Variants in GSG1L observed in about 807,000 individuals in gnomAD.
The protein encoded by GSG1L is GSG1 like, also known as germ cell-specific gene 1-like protein.
A neutral mutation model predicts 42.1 loss-of-function variants in GSG1L; 24 were observed. The ratio of observed to expected loss-of-function variants is 0.57; its 90% CI spans 0.41 to 0.80. The LOEUF (loss-of-function observed/expected upper bound fraction) is 0.80, where lower values mean the gene tolerates loss of function less well. Ranked by LOEUF, GSG1L falls within the 30% of genes least tolerant of loss-of-function variation. GSG1L has a pLI of 0.00. For missense variants in GSG1L, 445 were observed against 472.2 expected, an observed-to-expected ratio of 0.94 and a Z score of 0.53; for synonymous variants, 215 against 203.5, an observed-to-expected ratio of 1.06 and a Z score of -0.48.
intron 1 of GSG1L, among the ~76,000 whole-genome samples, chr16:28,058,650 T>C (rs191593507): frequency 6.4e-4 from 93 of 146,362 alleles, no homozygotes; most frequent in African/African-American, 2.2e-3. Context: ...ACAAACCATG[T>C]CGAGGAGTTA....
chr16:28,032,719 G>A (rs979613167), intron 1 of GSG1L, among the ~76,000 whole-genome samples: 1 of 152,084 alleles, frequency 6.6e-6, no homozygotes, highest in Non-Finnish European at 1.5e-5. Context: ...CATCTCTTCA[G>A]GCCAAAAATC....
chr16:27,810,009 C>T lies in GSG1L; in HGVS notation c.831-2455G>A, dbSNP rs79499581. ...CCTTAGTAGAAGGGAGAGAGATACT[C>T]ATATATTGATAATCACCAATCATTC... On this transcript the variant is annotated intron_variant, in intron 5 of 6. Coordinates refer to ENST00000447459, the MANE Select transcript of GSG1L (RefSeq NM_001109763.2). 1.8e-3 allele frequency among the ~76,000 whole-genome samples: 279 copies of T among 152,338 alleles called. 3 individuals are homozygous for T. Among genetic ancestry groups the T allele is most frequent in the African/African-American group, 6.4e-3 (264 of 41,570 alleles).
At chr16:27,982,237 G>A (rs561804449) in intron 1 of GSG1L, among the ~76,000 whole-genome samples, 2 of 152,304 alleles carry the variant, frequency 1.3e-5, no homozygotes, top group South Asian at 2.1e-4. Flanking sequence ...GTGGTGACAC[G>A]CACCTGTAGC....
chr16:28,062,436 C>T (rs1434496561), intron 1 of GSG1L, among the ~76,000 whole-genome samples: 1 of 152,220 alleles, frequency 6.6e-6, no homozygotes, highest in Non-Finnish European at 1.5e-5. Flanking sequence ...GCCTGCCTCT[C>T]CCAGGAGGGG....
chr16:27,979,923 G>A (rs2085307762), intron 1 of GSG1L, among the ~76,000 whole-genome samples: 2 of 152,222 alleles, frequency 1.3e-5, no homozygotes, highest in Middle Eastern at 6.8e-3. Flanking sequence ...ATTGAAATGG[G>A]AGAAAGTGTG....
chr16:27,979,657 A>G (rs1304248745), intron 1 of GSG1L, among the ~76,000 whole-genome samples: 2 of 65,578 alleles, frequency 3.0e-5, no homozygotes, highest in African/African-American at 1.3e-4. Flanking sequence ...GAAAGAAAGA[A>G]AGAAAGAGAG....
At chr16:27,888,482 CCTTTCTTTCTTTCTTTCTTT>C (rs57811717) in intron 2 of GSG1L, among the ~76,000 whole-genome samples, 1,619 of 68,040 alleles carry the variant, frequency 0.024, 47 homozygotes, top group Non-Finnish European at 0.028. Flanking sequence ...CTCTCTCTTT[CCTTTCTTTCTTTCTTTCTTT>C]CTTTCTTTCT....
chr16:28,060,612 C>A (rs1441786362), intron 1 of GSG1L, among the ~76,000 whole-genome samples: 13 of 152,198 alleles, frequency 8.5e-5, no homozygotes, highest in Non-Finnish European at 1.9e-4. Flanking sequence ...CCTGACCCCT[C>A]AACTGTACTA....
At position 27,902,409 on chromosome 16, in the gene GSG1L, G is replaced by T. The variant is rs188391760; in HGVS notation, c.398-17771C>A. Among the ~76,000 whole-genome samples, 5 of 152,268 alleles carry T rather than the reference G, an allele frequency of 3.3e-5. No individual in the cohort carries two copies. In the East Asian group the frequency reaches 9.7e-4, roughly 29 times the overall value. On this transcript the variant is annotated intron_variant, in intron 2 of 6. Coordinates refer to ENST00000447459, the MANE Select transcript of GSG1L (RefSeq NM_001109763.2). Reference sequence around the variant, plus strand: ...TTGGAACCCCTCTGGTGACATTTGTGGGGAGGGAAGCTGATTCCGCAGAGA... The same window carrying T: ...TTGGAACCCCTCTGGTGACATTTGTTGGGAGGGAAGCTGATTCCGCAGAGA...
chr16:27,929,154 C>T (rs1198931825), intron 2 of GSG1L, among the ~76,000 whole-genome samples: 2 of 152,188 alleles, frequency 1.3e-5, no homozygotes, highest in African/African-American at 4.8e-5. Flanking sequence ...AGAATCACTG[C>T]GCTAGAAGGT....
chr16:27,952,163 C>A (rs1485567505), intron 2 of GSG1L, among the ~76,000 whole-genome samples: 1 of 152,352 alleles, frequency 6.6e-6, no homozygotes, highest in East Asian at 1.9e-4. Flanking sequence ...TATCTATAAC[C>A]TGGCCCCTAT....
intron 1 of GSG1L, among the ~76,000 whole-genome samples, chr16:27,996,366 G>A (rs1215505067): frequency 6.6e-6 from 1 of 152,104 alleles, no homozygotes. Context: ...TTACACGTGT[G>A]CAAAATTACA....
intron 2 of GSG1L, among the ~76,000 whole-genome samples, chr16:27,941,861 A>G (rs1227999722): frequency 6.6e-6 from 1 of 152,120 alleles, no homozygotes; most frequent in Non-Finnish European, 1.5e-5. Context: ...ACACGCAAAT[A>G]CTGGTGATTC....
intron 1 of GSG1L, among the ~76,000 whole-genome samples, chr16:28,046,499 G>A (rs1007851468): frequency 1.4e-4 from 22 of 151,938 alleles, no homozygotes; most frequent in Admixed American, 2.6e-4. Flanking sequence ...GACGACAGGC[G>A]CCCGCCACCA....
intron 5 of GSG1L, among the ~76,000 whole-genome samples, chr16:27,828,327 T>A (rs145890829): frequency 6.6e-6 from 1 of 152,182 alleles, no homozygotes; most frequent in African/African-American, 2.4e-5. Context: ...CCTCCTCTAA[T>A]CCCAGCTGGA....
At chr16:27,911,362 T>C (rs1339821912) in intron 2 of GSG1L, among the ~76,000 whole-genome samples, 2 of 150,680 alleles carry the variant, frequency 1.3e-5, no homozygotes, top group East Asian at 4.0e-4. Flanking sequence ...ACATTCTCCA[T>C]TCACTGCAAC....
chr16:27,889,590 T>A (rs1157380501), intron 2 of GSG1L, among the ~76,000 whole-genome samples: 1 of 152,192 alleles, frequency 6.6e-6, no homozygotes, highest in Non-Finnish European at 1.5e-5. Context: ...AAATGGGAAC[T>A]TATATTTCTC....
chr16:28,020,543 C>T (rs1456037964), intron 1 of GSG1L, among the ~76,000 whole-genome samples: 2 of 152,118 alleles, frequency 1.3e-5, no homozygotes, highest in African/African-American at 2.4e-5. Flanking sequence ...GTACTCTTGT[C>T]CTTATGTCAG....
intron 1 of GSG1L, among the ~76,000 whole-genome samples, chr16:27,971,990 C>T (rs1179307340): frequency 6.6e-6 from 1 of 152,228 alleles, no homozygotes; most frequent in Non-Finnish European, 1.5e-5. Flanking sequence ...GAGCAAGACT[C>T]AACCCAGGTC....
Sources: allele counts gnomAD v4.1 joint callset (sites outside exome capture counted in the v4.1 genomes callset), GRCh38; gene constraint gnomAD v4.1.1; transcripts MANE v1.5; gene names NCBI Gene and HGNC (gene_info 2026-07-23, HGNC 2026-07-21).